The following MAGI1 variants were observed in gnomAD, a reference collection of about 807,000 sequenced individuals.
The protein encoded by MAGI1 is membrane-associated guanylate kinase, WW and PDZ domain-containing protein 1.
A neutral mutation model predicts 139.9 loss-of-function variants in MAGI1; 58 were observed. The ratio of observed to expected loss-of-function variants is 0.41; its 90% CI spans 0.34 to 0.52. MAGI1 has a LOEUF of 0.52. MAGI1 is among the 20% of genes least tolerant of loss of function. The pLI is 0.12. For missense variants in MAGI1, 1,874 were observed against 1,901.6 expected, an observed-to-expected ratio of 0.99 and a Z score of 0.27; for synonymous variants, 812 against 737.9, an observed-to-expected ratio of 1.10 and a Z score of -1.63.
intron 1 of MAGI1, among the ~76,000 whole-genome samples, chr3:65,892,323 T>C (rs1433065806): frequency 6.6e-6 from 1 of 152,146 alleles, no homozygotes; most frequent in Non-Finnish European, 1.5e-5. Context: ...TTAACTTAGT[T>C]ATGATCGTCT....
In MAGI1 at chr3:65,982,188, C is replaced by T. The variant is rs1225598384; in HGVS notation, c.313+55808G>A. ...GCACCTCTTGGTCGAGTTCCCTGAGCATCGGCCCTCTCCTGTGGCTTTGGG... is the reference window on the plus strand; with the variant it reads ...GCACCTCTTGGTCGAGTTCCCTGAGTATCGGCCCTCTCCTGTGGCTTTGGG... On this transcript the variant is annotated intron_variant, in intron 1 of 22. Coordinates refer to ENST00000402939, the MANE Select transcript of MAGI1 (RefSeq NM_001033057.2). 2.6e-5 allele frequency among the ~76,000 whole-genome samples: 4 copies of T among 152,334 alleles called. No homozygotes were observed. In the East Asian group the frequency reaches 5.8e-4, roughly 22 times the overall value.
chr3:65,399,757 T>C (rs572602651), intron 13 of MAGI1, among the ~76,000 whole-genome samples: 1 of 152,334 alleles, frequency 6.6e-6, no homozygotes, highest in South Asian at 2.1e-4. Context: ...GCAGGTTCAA[T>C]ACCTATTTGA....
intron 12 of MAGI1, among the ~76,000 whole-genome samples, chr3:65,420,350 G>A (rs1300529233): frequency 6.6e-6 from 1 of 151,820 alleles, no homozygotes; most frequent in Non-Finnish European, 1.5e-5. Context: ...CTTCTCTGTG[G>A]TCACTCAAGT....
chr3:65,760,111 C>G (rs1347381515), intron 1 of MAGI1, among the ~76,000 whole-genome samples: 2 of 151,868 alleles, frequency 1.3e-5, no homozygotes, highest in Non-Finnish European at 2.9e-5. Context: ...AAATGCTAAC[C>G]ACTGTTACTA....
chr3:65,449,413 C>T (rs2107476363), intron 6 of MAGI1, among the ~76,000 whole-genome samples: 1 of 152,242 alleles, frequency 6.6e-6, no homozygotes, highest in South Asian at 2.1e-4. Flanking sequence ...CATTTGTTCA[C>T]TTCTTCAGTA....
intron 2 of MAGI1, among the ~76,000 whole-genome samples, chr3:65,572,285 T>C (rs2080994892): frequency 6.6e-6 from 1 of 152,120 alleles, no homozygotes; most frequent in South Asian, 2.1e-4. Context: ...CAGAGGATGA[T>C]CTAAGGTCAA....
intron 1 of MAGI1, among the ~76,000 whole-genome samples, chr3:65,672,541 T>C: frequency 6.6e-6 from 1 of 152,092 alleles, no homozygotes; most frequent in East Asian, 1.9e-4. Flanking sequence ...CCTGGGGTTG[T>C]TAAAGTAAAA....
At chr3:65,890,677 T>C (rs1026360098) in intron 1 of MAGI1, among the ~76,000 whole-genome samples, 1 of 152,076 alleles carries the variant, frequency 6.6e-6, no homozygotes, top group Non-Finnish European at 1.5e-5. Context: ...AGTCACAAAA[T>C]ATCAGCCCAT....
rs561513959 is a variant in MAGI1 at position 65,376,520 on chromosome 3, C to A, written c.2996-575G>T. Among the ~76,000 whole-genome samples, 4 of 152,304 alleles carry A rather than the reference C, an allele frequency of 2.6e-5. No homozygotes were observed. In the South Asian group the frequency reaches 6.2e-4, roughly 24 times the overall value. Reference sequence around the variant, plus strand: ...CAAACACTCAGACTTTCTGCCTTCTCCCCAGAATGATGAAAGCTTTAGAAA... The same window carrying A: ...CAAACACTCAGACTTTCTGCCTTCTACCCAGAATGATGAAAGCTTTAGAAA... On this transcript the variant is annotated intron_variant, in intron 17 of 22. Transcript: ENST00000402939.
chr3:65,767,344 C>T (rs2037570766), intron 1 of MAGI1, among the ~76,000 whole-genome samples: 1 of 151,914 alleles, frequency 6.6e-6, no homozygotes, highest in Non-Finnish European at 1.5e-5. Context: ...GTGGCTCATG[C>T]CTGTAATCCC....
chr3:65,891,500 C>A (rs958317777), intron 1 of MAGI1, among the ~76,000 whole-genome samples: 3 of 151,900 alleles, frequency 2.0e-5, no homozygotes, highest in South Asian at 2.1e-4. Flanking sequence ...CCCCAACAAA[C>A]TAAAATGTTA....
Position 65,374,753 on chromosome 3 carries a change from C to T in MAGI1, c.3196+992G>A, listed in dbSNP as rs186746925. Among the ~76,000 whole-genome samples the T allele has an allele frequency of 1.9e-3, 290 of 152,304 alleles. 2 individuals are homozygous for T. Among genetic ancestry groups the T allele is most frequent in the Admixed American group, 0.018 (268 of 15,298 alleles). Reference sequence around the variant, plus strand: ...GTCTGACCTAACTAGATGCTACTCACACCCACTGCAGACAATGCCAATGTT... The same window carrying T: ...GTCTGACCTAACTAGATGCTACTCATACCCACTGCAGACAATGCCAATGTT... On this transcript the variant is annotated intron_variant, in intron 18 of 22. Coordinates refer to ENST00000402939, the MANE Select transcript of MAGI1 (RefSeq NM_001033057.2).
At chr3:65,422,046 C>T (rs1487161688) in intron 12 of MAGI1, among the ~76,000 whole-genome samples, 1 of 152,080 alleles carries the variant, frequency 6.6e-6, no homozygotes, top group Non-Finnish European at 1.5e-5. Context: ...AAAGGATATC[C>T]AGCTTCTCAC....
chr3:65,948,086 C>T (rs1005712357), intron 1 of MAGI1, among the ~76,000 whole-genome samples: 3 of 151,770 alleles, frequency 2.0e-5, no homozygotes, highest in African/African-American at 7.3e-5. Flanking sequence ...GGATTACAGG[C>T]ACATGCCACC....
intron 1 of MAGI1, among the ~76,000 whole-genome samples, chr3:65,807,966 A>T (rs1285706024): frequency 6.6e-6 from 1 of 151,688 alleles, no homozygotes; most frequent in Admixed American, 6.6e-5. Flanking sequence ...CCTGTAATCC[A>T]GCACTTTGAG....
chr3:65,413,235 T>A (rs951225978), intron 12 of MAGI1, among the ~76,000 whole-genome samples: 1 of 152,192 alleles, frequency 6.6e-6, no homozygotes, highest in African/African-American at 2.4e-5. Flanking sequence ...GGGTACATTG[T>A]TTGGCAATTT....
chr3:65,555,512 C>T (rs1355676695), intron 2 of MAGI1, among the ~76,000 whole-genome samples: 1 of 152,082 alleles, frequency 6.6e-6, no homozygotes, highest in East Asian at 1.9e-4. Context: ...GCCTAGAACA[C>T]TGCTTGAACA....
chr3:65,762,893 C>T (rs181578006), intron 1 of MAGI1, among the ~76,000 whole-genome samples: 1 of 152,290 alleles, frequency 6.6e-6, no homozygotes, highest in Admixed American at 6.5e-5. Context: ...TCTACCACTT[C>T]CAGAATGTGG....
In MAGI1 at chr3:65,940,419, T is replaced by C. The variant is rs1199352223; in HGVS notation, c.313+97577A>G. 2.0e-5 allele frequency among the ~76,000 whole-genome samples: 3 copies of C among 152,310 alleles called. No individual in the cohort carries two copies. The East Asian group carries it at 5.8e-4, about 29-fold the overall frequency. Reference sequence around the variant, plus strand: ...CAGTCAGATTCTGCTGAGGACCCTCTTCTGGGATATGGACTGCCATCTTCT... The same window carrying C: ...CAGTCAGATTCTGCTGAGGACCCTCCTCTGGGATATGGACTGCCATCTTCT... On this transcript the variant is annotated intron_variant, in intron 1 of 22. Coordinates refer to ENST00000402939, the MANE Select transcript of MAGI1 (RefSeq NM_001033057.2).
Sources: allele counts gnomAD v4.1 joint callset (sites outside exome capture counted in the v4.1 genomes callset), GRCh38; gene constraint gnomAD v4.1.1; transcripts MANE v1.5; gene names NCBI Gene and HGNC (gene_info 2026-07-23, HGNC 2026-07-21).